CDK14: variants seen among roughly 807,000 people sequenced by gnomAD.
The protein encoded by CDK14 is cyclin-dependent kinase 14.
Under a neutral mutation model 60.7 loss-of-function variants are expected in CDK14, and 34 were observed. That is an observed-to-expected ratio of 0.56 (90% CI 0.43 to 0.75). The LOEUF (loss-of-function observed/expected upper bound fraction) is 0.75, where lower values mean the gene tolerates loss of function less well. CDK14 is among the 30% of genes least tolerant of loss of function. The probability of loss-of-function intolerance (pLI) is 0.00; values close to 1 mark genes in which losing one functional copy is unlikely to be tolerated. For missense variants in CDK14, 482 were observed against 564.1 expected, an observed-to-expected ratio of 0.85 and a Z score of 1.47; for synonymous variants, 197 against 203.7, an observed-to-expected ratio of 0.97 and a Z score of 0.28.
At chr7:91,130,526 C>G (rs1329298988) in intron 14 of CDK14, among the ~76,000 whole-genome samples, 1 of 152,108 alleles carries the variant, frequency 6.6e-6, no homozygotes, top group Non-Finnish European at 1.5e-5. Flanking sequence ...TGCATTAACT[C>G]TAACATACAA....
At chr7:90,919,343 G>C (rs1793174173) in intron 8 of CDK14, among the ~76,000 whole-genome samples, 1 of 152,002 alleles carries the variant, frequency 6.6e-6, no homozygotes, top group Admixed American at 6.6e-5. Context: ...GTGCTTACTA[G>C]GGATTCTTTT....
At chr7:91,027,094 A>G (rs186618285) in intron 10 of CDK14, among the ~76,000 whole-genome samples, 2 of 152,330 alleles carry the variant, frequency 1.3e-5, no homozygotes, top group Admixed American at 1.3e-4. Context: ...CTACTTCAGC[A>G]TTAGTCTCTT....
Position 90,838,246 on chromosome 7 carries a change from A to C in CDK14, c.545-24929A>C, listed in dbSNP as rs563254895. On this transcript the variant is annotated intron_variant, in intron 5 of 14. Coordinates refer to ENST00000380050, the MANE Select transcript of CDK14 (RefSeq NM_001287135.2). Reference sequence around the variant, plus strand: ...ATTTCATGGACATTTATTAGTTCCCAAAATTAATACTTTTATAATTTCCTA... The same window carrying C: ...ATTTCATGGACATTTATTAGTTCCCCAAATTAATACTTTTATAATTTCCTA... 2.3e-3 allele frequency among the ~76,000 whole-genome samples: 345 copies of C among 152,336 alleles called. 2 individuals are homozygous for C. Among genetic ancestry groups the C allele is most frequent in the African/African-American group, 7.7e-3 (318 of 41,566 alleles).
intron 2 of CDK14, among the ~76,000 whole-genome samples, chr7:90,705,594 C>T (rs79873771): frequency 2.7e-5 from 4 of 150,454 alleles, no homozygotes; most frequent in Non-Finnish European, 5.9e-5. Context: ...CATGGTTCTG[C>T]TTTGAACCCA....
intron 4 of CDK14, among the ~76,000 whole-genome samples, chr7:90,763,060 AAAGAGAGGCATTACATGATG>A (rs1312981425): frequency 6.6e-6 from 1 of 152,228 alleles, no homozygotes; most frequent in African/African-American, 2.4e-5. Context: ...CATCAAGATT[AAAGAGAGGCATTACATGATG>A]ATAAAGAGCT....
intron 11 of CDK14, among the ~76,000 whole-genome samples, chr7:91,053,785 A>T (rs184356795): frequency 6.6e-6 from 1 of 152,240 alleles, no homozygotes; most frequent in East Asian, 1.9e-4. Flanking sequence ...TCGGGGTGGG[A>T]TATTCCATGC....
At chr7:90,934,600 T>C (rs931287386) in intron 8 of CDK14, among the ~76,000 whole-genome samples, 6 of 152,232 alleles carry the variant, frequency 3.9e-5, no homozygotes, top group Non-Finnish European at 7.3e-5. Context: ...GTTAGTTTTT[T>C]TATTTTGGAC....
chr7:91,147,141 G>GTCTCTC (rs150638262), intron 14 of CDK14, among the ~76,000 whole-genome samples: 1,799 of 78,910 alleles, frequency 0.023, 23 homozygotes, highest in Middle Eastern at 0.031. Flanking sequence ...ACCTCTCTCT[G>GTCTCTC]TCTCTCTCTC....
chr7:90,653,261 A>AC (rs1432746508), intron 2 of CDK14, among the ~76,000 whole-genome samples: 61 of 151,016 alleles, frequency 4.0e-4, no homozygotes, highest in African/African-American at 3.4e-4. Context: ...TAACTCCACA[A>AC]CCCCCCTCTG....
chr7:90,805,894 T>G lies in CDK14; in HGVS notation c.544+15242T>G, dbSNP rs142053562. ...ACTTACACTACTTAATTTCAGAAAC[T>G]TTGTAAAAAGCTACAGGGATCAAGA... On this transcript the variant is annotated intron_variant, in intron 5 of 14. Coordinates refer to ENST00000380050, the MANE Select transcript of CDK14 (RefSeq NM_001287135.2). Among the ~76,000 whole-genome samples, 125 of 152,282 alleles carry G rather than the reference T, an allele frequency of 8.2e-4. 2 individuals carry two copies. The highest frequency in any genetic ancestry group is 2.9e-3 in the African/African-American group (121 of 41,576).
intron 6 of CDK14, among the ~76,000 whole-genome samples, chr7:90,877,895 T>A (rs1485387612): frequency 2.0e-5 from 3 of 152,148 alleles, no homozygotes; most frequent in Non-Finnish European, 4.4e-5. Flanking sequence ...GGCAACATGA[T>A]CATTCTTGTT....
chr7:90,909,414 T>C (rs753690794), intron 7 of CDK14, among the ~76,000 whole-genome samples: 2 of 150,902 alleles, frequency 1.3e-5, no homozygotes, highest in East Asian at 2.0e-4. Context: ...CCACCTTTAT[T>C]AGGAAGACCC....
intron 14 of CDK14, among the ~76,000 whole-genome samples, chr7:91,174,507 C>G (rs952273708): frequency 4.6e-5 from 7 of 151,810 alleles, no homozygotes; most frequent in Admixed American, 3.3e-4. Context: ...TCAAATTACT[C>G]TGAGCTACAG....
intron 5 of CDK14, among the ~76,000 whole-genome samples, chr7:90,851,269 G>C (rs573066078): frequency 3.3e-5 from 5 of 152,230 alleles, no homozygotes; most frequent in African/African-American, 1.2e-4. Context: ...GGTTATTTCA[G>C]TTGTGCATGG....
chr7:90,838,617 G>C (rs1052468167), intron 5 of CDK14, among the ~76,000 whole-genome samples: 4 of 152,092 alleles, frequency 2.6e-5, no homozygotes, highest in African/African-American at 7.2e-5. Flanking sequence ...GCATTCCCAG[G>C]GGTAGGTCTA....
intron 11 of CDK14, among the ~76,000 whole-genome samples, chr7:91,047,739 C>T (rs1797278779): frequency 6.6e-6 from 1 of 152,124 alleles, no homozygotes; most frequent in South Asian, 2.1e-4. Flanking sequence ...TTATTCCAGG[C>T]AAAGCTCAGG....
intron 10 of CDK14, among the ~76,000 whole-genome samples, chr7:91,032,147 T>A (rs1234270507): frequency 6.6e-6 from 1 of 152,218 alleles, no homozygotes; most frequent in African/African-American, 2.4e-5. Context: ...TAGCTTTCAT[T>A]ATTATGTCCT....
chr7:90,631,938 AGG>A, intron 2 of CDK14: 1 of 152,412 alleles, frequency 6.6e-6, no homozygotes, highest in African/African-American at 2.4e-5. Flanking sequence ...ATGACACTGA[AGG>A]TGTTTCACCC....
At chr7:90,924,985 C>T (rs141916575) in intron 8 of CDK14, among the ~76,000 whole-genome samples, 280 of 152,088 alleles carry the variant, frequency 1.8e-3, no homozygotes, top group Admixed American at 3.1e-3. Flanking sequence ...AAAATAAAAA[C>T]CAATTAAGAA....
Sources: gnomAD v4.1 joint callset for allele counts (sites outside exome capture counted in the v4.1 genomes callset) on GRCh38, gnomAD v4.1.1 for gene constraint, MANE v1.5 for transcripts, NCBI Gene and HGNC (gene_info 2026-07-23, HGNC 2026-07-21) for gene names.